The following WDR43 variants were observed in gnomAD, a reference collection of about 807,000 sequenced individuals.
WDR43 encodes the protein WD repeat-containing protein 43.
A neutral mutation model predicts 91.4 loss-of-function variants in WDR43; 13 were observed. The ratio of observed to expected loss-of-function variants is 0.14; its 90% CI spans 0.09 to 0.23. WDR43 has a LOEUF of 0.23. WDR43 is among the 10% of genes least tolerant of loss of function. The pLI, the probability that WDR43 is intolerant of heterozygous loss-of-function variation, is 1.00. For missense variants in WDR43, 780 were observed against 809.4 expected, an observed-to-expected ratio of 0.96 and a Z score of 0.44; for synonymous variants, 331 against 287.9, an observed-to-expected ratio of 1.15 and a Z score of -1.51.
chr2:28,919,659 A>T (rs1027778615), intron 6 of WDR43, among the ~76,000 whole-genome samples: 7 of 152,122 alleles, frequency 4.6e-5, no homozygotes, highest in Non-Finnish European at 7.4e-5. Flanking sequence ...CCGTCTCAAA[A>T]AAAAAAACAA....
chr2:28,928,795 C>T (rs1008276036), intron 10 of WDR43, among the ~76,000 whole-genome samples: 3 of 152,126 alleles, frequency 2.0e-5, no homozygotes, highest in Non-Finnish European at 4.4e-5. Context: ...GATCCTCCCA[C>T]CTCAGCCTCT....
In WDR43 at chr2:28,894,757, C is replaced by G. The variant is rs1327966675; in HGVS notation, c.59C>G (p.Ala20Gly). The change falls in exon 1 of 18, where the codon GCC becomes GGC. Residue 20 changes from alanine to glycine, a missense_variant. By Grantham distance (60) the Ala-to-Gly change is moderately conservative (BLOSUM62 0). Transcript: ENST00000407426. Reference sequence around the variant, plus strand: ...CTGGCCCCTGCTGGGGTCCCTTGCGCCTTCTCCCCGCACAGCCAGGCCTAC... The same window carrying G: ...CTGGCCCCTGCTGGGGTCCCTTGCGGCTTCTCCCCGCACAGCCAGGCCTAC... ...DPLAPAGVPC[A>G]FSPHSQAYFA... is the part of the protein sequence containing the mutation. 6.2e-7 allele frequency: 1 copy of G among 1,600,654 alleles called. No homozygotes were observed. Among genetic ancestry groups the G allele is most frequent in the East Asian group, 2.3e-5 (1 of 44,296 alleles).
At chr2:28,934,014 T>C (rs1349825110) in intron 11 of WDR43, among the ~76,000 whole-genome samples, 1 of 152,222 alleles carries the variant, frequency 6.6e-6, no homozygotes, top group African/African-American at 2.4e-5. Flanking sequence ...CATACGTTCA[T>C]ACAAAGACTT....
chr2:28,911,537 G>A (rs1192092185), intron 3 of WDR43, among the ~76,000 whole-genome samples: 3 of 151,870 alleles, frequency 2.0e-5, no homozygotes, highest in Non-Finnish European at 2.9e-5. Context: ...CTTGTGATCC[G>A]CCCACCTCGG....
chr2:28,897,078 A>G (rs1297764212), intron 1 of WDR43, among the ~76,000 whole-genome samples: 1 of 152,194 alleles, frequency 6.6e-6, no homozygotes, highest in African/African-American at 2.4e-5. Flanking sequence ...CTCCTGGTCA[A>G]GTGCCCCGAT....
At chr2:28,897,617 T>A (rs1003911079) in intron 1 of WDR43, among the ~76,000 whole-genome samples, 2 of 152,252 alleles carry the variant, frequency 1.3e-5, no homozygotes, top group Non-Finnish European at 2.9e-5. Context: ...GCATTTAATA[T>A]GGTAAATCAA....
chr2:28,925,999 A>C (rs1255099423), intron 8 of WDR43, among the ~76,000 whole-genome samples: 1 of 152,166 alleles, frequency 6.6e-6, no homozygotes, highest in Non-Finnish European at 1.5e-5. Context: ...GATCCTATTT[A>C]ATATCGTGTC....
At chr2:28,915,429 A>G (rs1670886819) in intron 5 of WDR43, among the ~76,000 whole-genome samples, 1 of 152,206 alleles carries the variant, frequency 6.6e-6, no homozygotes, top group Non-Finnish European at 1.5e-5. Context: ...TTCAATCTCA[A>G]ATGTTTTACC....
intron 11 of WDR43, among the ~76,000 whole-genome samples, chr2:28,932,887 A>C (rs906833622): frequency 6.6e-6 from 1 of 152,214 alleles, no homozygotes; most frequent in Non-Finnish European, 1.5e-5. Context: ...ATATTTTTTA[A>C]CAGTTCCATT....
intron 5 of WDR43, among the ~76,000 whole-genome samples, chr2:28,916,705 C>G (rs1670917904): frequency 6.6e-6 from 1 of 152,134 alleles, no homozygotes; most frequent in African/African-American, 2.4e-5. Flanking sequence ...TATAAAGTCC[C>G]CATGAACACT....
chr2:28,926,938 G>A (rs1454774131), intron 9 of WDR43: 4 of 396,970 alleles, frequency 1.0e-5, no homozygotes, highest in Admixed American at 8.6e-5. Flanking sequence ...TAATAAAACC[G>A]TCATGGGGCT....
At chr2:28,926,250 A>G (rs754402458) in intron 8 of WDR43, among the ~76,000 whole-genome samples, 19 of 152,338 alleles carry the variant, frequency 1.2e-4, no homozygotes, top group African/African-American at 3.4e-4. Flanking sequence ...TTGGTACCCA[A>G]TGTCTTCAGA....
rs188875410 is a variant in WDR43 at position 28,923,090 on chromosome 2, T to C, written c.914+107T>C. 4.1e-5 allele frequency: 39 copies of C among 957,830 alleles called. No homozygotes were observed. The East Asian group carries it at 9.3e-4, about 23-fold the overall frequency. The allele number at this position is 957,830 out of a possible 1,614,324, so 59.3% of individuals were successfully genotyped here. ...TGCATCATATTACTATTCAGCCAGA[T>C]TATTTTGAAAGCATTTTTCTTTATC... On this transcript the variant is annotated intron_variant, in intron 7 of 17. Transcript: ENST00000407426.
intron 11 of WDR43, among the ~76,000 whole-genome samples, chr2:28,932,445 G>A (rs571323670): frequency 6.6e-6 from 1 of 152,294 alleles, no homozygotes; most frequent in African/African-American, 2.4e-5. Flanking sequence ...TTACAGGCGT[G>A]AGCCACCGTT....
At chr2:28,919,604 C>T (rs1290988955) in intron 6 of WDR43, among the ~76,000 whole-genome samples, 3 of 149,724 alleles carry the variant, frequency 2.0e-5, no homozygotes, top group Non-Finnish European at 4.5e-5. Context: ...TGCAGTGAGC[C>T]GAGATAGTGC....
intron 1 of WDR43, chr2:28,895,361 C>T (rs1374936042): frequency 6.3e-6 from 1 of 157,832 alleles, no homozygotes; most frequent in African/African-American, 2.4e-5. Flanking sequence ...TTGGTATGGA[C>T]TAGTCTGTAC....
intron 1 of WDR43, among the ~76,000 whole-genome samples, chr2:28,901,292 A>G (rs887520271): frequency 1.2e-4 from 19 of 152,234 alleles, no homozygotes; most frequent in Admixed American, 2.0e-4. Context: ...TGTTGGGAAG[A>G]CATGAGCTGT....
rs779632583 is a variant in WDR43, at chr2:28,929,663, G to T, written c.1390G>T (p.Val464Phe). ...AGACCTCCAGACGAATAGCTTTCCA[G>T]TTCTTCTTACCCAGGGCTTAGAAAG... ...KEDLQTNSFP[V>F]LLTQGLESND... is the part of the protein sequence containing the mutation. Residue 464 changes from valine to phenylalanine, a missense_variant, in exon 11 of 18, where the codon GTT (valine) becomes TTT (phenylalanine). This residue lies in a region of WDR43 where 426 missense variants were observed against 467.8 expected (regional missense o/e 0.91). Transcript: ENST00000407426. The T allele has an allele frequency of 6.2e-7, 1 of 1,613,760 alleles. No individual in the cohort carries two copies. Among genetic ancestry groups the T allele is most frequent in the South Asian group, 1.1e-5 (1 of 91,064 alleles).
intron 7 of WDR43, among the ~76,000 whole-genome samples, chr2:28,923,518 G>A (rs1340123740): frequency 2.0e-5 from 3 of 152,160 alleles, no homozygotes; most frequent in Non-Finnish European, 2.9e-5. Flanking sequence ...CATGGTCTGA[G>A]ACTCAGTTTT....
Sources: allele counts gnomAD v4.1 joint callset (sites outside exome capture counted in the v4.1 genomes callset), GRCh38; gene constraint gnomAD v4.1.1; regional missense constraint gnomAD v4.1.1; transcripts MANE v1.5; gene names NCBI Gene and HGNC (gene_info 2026-07-23, HGNC 2026-07-21).